TMEM87B: variants seen among roughly 807,000 people sequenced by gnomAD.
TMEM87B encodes the protein transmembrane protein 87B.
A neutral mutation model predicts 80.3 loss-of-function variants in TMEM87B; 83 were observed. The ratio of observed to expected loss-of-function variants is 1.03; its 90% CI spans 0.87 to 1.24. TMEM87B has a LOEUF of 1.24. TMEM87B is among the 50% of genes most tolerant of loss of function. The pLI, the probability that TMEM87B is intolerant of heterozygous loss-of-function variation, is 0.00. For missense variants in TMEM87B, 625 were observed against 674.4 expected (o/e 0.93, Z 0.81); for synonymous variants, 219 against 230.5 (o/e 0.95, Z 0.45).
intron 11 of TMEM87B, among the ~76,000 whole-genome samples, chr2:112,092,901 T>C (rs1679346860): frequency 6.6e-6 from 1 of 152,234 alleles, no homozygotes; most frequent in African/African-American, 2.4e-5. Flanking sequence ...AGAACATTCT[T>C]TGGATCTGTT....
rs13421261 is a variant in TMEM87B at position 112,055,305 on chromosome 2, C to T, written c.-287C>T. On this transcript the variant is annotated 5_prime_UTR_variant, in exon 1 of 19. Coordinates refer to ENST00000283206, the MANE Select transcript of TMEM87B (RefSeq NM_032824.3). Reference sequence around the variant, plus strand: ...CACGCTAGGCCCTGAGCCCAGCCTCCACGTCTCGCCGCCAACTCCACATCC... The same window carrying T: ...CACGCTAGGCCCTGAGCCCAGCCTCTACGTCTCGCCGCCAACTCCACATCC... 0.035 allele frequency: 16,331 copies of T among 466,846 alleles called. 314 individuals carry two copies. Among genetic ancestry groups the T allele is most frequent in the African/African-American group, 0.053 (2,583 of 48,466 alleles). The allele number at this position is 466,846 out of a possible 1,614,324, so 28.9% of individuals were successfully genotyped here.
At chr2:112,065,830 G>A (rs1482159167) in intron 3 of TMEM87B, among the ~76,000 whole-genome samples, 1 of 151,804 alleles carries the variant, frequency 6.6e-6, no homozygotes. Context: ...TTTTTGGTGT[G>A]TCATGGCATT....
chr2:112,097,361 G>A (rs949957658), intron 13 of TMEM87B, 70 bp downstream of exon 13: 21 of 1,246,312 alleles, frequency 1.7e-5, no homozygotes, highest in Non-Finnish European at 2.3e-5. Flanking sequence ...GAACAATTTA[G>A]TTTATGCTTG....
At chr2:112,066,660 T>C (rs1487829582) in intron 3 of TMEM87B, among the ~76,000 whole-genome samples, 2 of 152,252 alleles carry the variant, frequency 1.3e-5, no homozygotes, top group East Asian at 3.8e-4. Flanking sequence ...GGGAACTATT[T>C]CATTGTAGTA....
At chr2:112,084,812 T>G (rs1339588875) in intron 8 of TMEM87B, among the ~76,000 whole-genome samples, 1 of 152,256 alleles carries the variant, frequency 6.6e-6, no homozygotes, top group African/African-American at 2.4e-5. Flanking sequence ...TTTCCTTGCC[T>G]GCAGTTTTGT....
At chr2:112,104,113 A>G (rs893576959) in intron 15 of TMEM87B, among the ~76,000 whole-genome samples, 2 of 152,216 alleles carry the variant, frequency 1.3e-5, no homozygotes, top group Non-Finnish European at 2.9e-5. Flanking sequence ...GACCTAATGG[A>G]AAAGCTTCAA....
At position 112,080,452 on chromosome 2, in the gene TMEM87B, T is replaced by G. The variant is rs142296003; in HGVS notation, c.593-605T>G. On this transcript the variant is annotated intron_variant, in intron 6 of 18. Transcript: ENST00000283206. ...TTTTTTGTATTTTTAGTAGAGACGG[T>G]GTTTCACCGTGTTAGCCAGGATGGT... Among the ~76,000 whole-genome samples, 178 of 151,042 alleles carry G rather than the reference T, an allele frequency of 1.2e-3. 1 individual carries two copies. Among genetic ancestry groups the G allele is most frequent in the South Asian group, 4.2e-3 (20 of 4,758 alleles).
intron 5 of TMEM87B, among the ~76,000 whole-genome samples, chr2:112,076,136 CCAGCTACTCGGAGGCTGAGGCA>C (rs1678805173): frequency 6.6e-6 from 1 of 152,036 alleles, no homozygotes. Context: ...GCCTGGAATT[CCAGCTACTCGGAGGCTGAGGCA>C]CAAGAATTGC....
chr2:112,109,659 A>G (rs1398962261), intron 17 of TMEM87B, among the ~76,000 whole-genome samples: 1 of 73,322 alleles, frequency 1.4e-5, no homozygotes, highest in Non-Finnish European at 2.7e-5. Context: ...ATGCCTAAGT[A>G]TGGTCTTTTT....
At position 112,055,631 on chromosome 2, in the gene TMEM87B, C is replaced by T. The variant is rs772333086; in HGVS notation, c.40C>T (p.Arg14Cys). 3.0e-5 allele frequency: 46 copies of T among 1,547,056 alleles called. No individual in the cohort carries two copies. Among genetic ancestry groups the T allele is most frequent in the Non-Finnish European group, 3.7e-5 (43 of 1,148,292 alleles). ...ACRSVAGLLP[R>C]RRRCFPARAP... ...CCGCTCGGTAGCCGGGCTCCTGCCA[C>T]GCCGCCGCCGCTGCTTTCCCGCCCG... Residue 14 changes from arginine to cysteine, a missense_variant, in exon 1 of 19, where the codon CGC becomes TGC. Physicochemically the swap from Arg to Cys is radical, Grantham distance 180. Transcript: ENST00000283206.
intron 3 of TMEM87B, among the ~76,000 whole-genome samples, chr2:112,064,789 C>T (rs1407445889): frequency 6.6e-6 from 1 of 152,166 alleles, no homozygotes; most frequent in Non-Finnish European, 1.5e-5. Flanking sequence ...CAAGGTGTTT[C>T]TCTTGATGAT....
intron 4 of TMEM87B, among the ~76,000 whole-genome samples, chr2:112,069,833 T>TC (rs1678569839): frequency 6.6e-6 from 1 of 152,182 alleles, no homozygotes; most frequent in African/African-American, 2.4e-5. Flanking sequence ...TGCCAGCATC[T>TC]GTTATTTTTT....
chr2:112,073,391 A>G (rs865834549), intron 4 of TMEM87B, among the ~76,000 whole-genome samples: 12 of 152,260 alleles, frequency 7.9e-5, no homozygotes, highest in Middle Eastern at 3.4e-3. Context: ...AGGTTGTTTA[A>G]TATCCATGCA....
In TMEM87B at chr2:112,057,008, T is replaced by C. The variant is rs146903415; in HGVS notation, c.165+1252T>C. 1.3e-3 allele frequency among the ~76,000 whole-genome samples: 191 copies of C among 152,358 alleles called. 1 individual carries two copies. Among genetic ancestry groups the C allele is most frequent in the Middle Eastern group, 6.8e-3 (2 of 294 alleles). ...GATTACTTGAACATATCTGTATAGA[T>C]CTTTGCTAAGTGTACTGTGAACATA... On this transcript the variant is annotated intron_variant, in intron 1 of 18. Coordinates refer to ENST00000283206, the MANE Select transcript of TMEM87B (RefSeq NM_032824.3).
At chr2:112,082,821 G>T (rs1199883825) in intron 8 of TMEM87B, among the ~76,000 whole-genome samples, 2 of 152,126 alleles carry the variant, frequency 1.3e-5, no homozygotes, top group African/African-American at 4.8e-5. Flanking sequence ...TTTAGTGAAG[G>T]TAAAGGGTGG....
At chr2:112,085,248 C>G (rs568262733) in intron 8 of TMEM87B, among the ~76,000 whole-genome samples, 1 of 152,380 alleles carries the variant, frequency 6.6e-6, no homozygotes, top group African/African-American at 2.4e-5. Context: ...CCATTACACT[C>G]TCTGCTGCAG....
At chr2:112,080,405 G>C (rs1010834920) in intron 6 of TMEM87B, among the ~76,000 whole-genome samples, 4 of 152,044 alleles carry the variant, frequency 2.6e-5, no homozygotes, top group Non-Finnish European at 1.5e-5. Flanking sequence ...GACTACAGGT[G>C]CTCGCCACCA....
At chr2:112,062,190 A>G (rs1678279774) in intron 2 of TMEM87B, among the ~76,000 whole-genome samples, 1 of 152,230 alleles carries the variant, frequency 6.6e-6, no homozygotes, top group Non-Finnish European at 1.5e-5. Flanking sequence ...GTTTTCACAG[A>G]GCCAGATTTT....
At position 112,117,540 on chromosome 2, in the gene TMEM87B, G is replaced by C. The variant is rs1680057314; in HGVS notation, c.*1397G>C. On this transcript the variant is annotated 3_prime_UTR_variant, in exon 19 of 19. Coordinates refer to ENST00000283206, the MANE Select transcript of TMEM87B (RefSeq NM_032824.3). ...TCTATTTCTGGTAGTCATATCGCTTGAAAGGTATTGGTAAATGTGTTTTCA... is the reference window on the plus strand; with the variant it reads ...TCTATTTCTGGTAGTCATATCGCTTCAAAGGTATTGGTAAATGTGTTTTCA... 1 of 151,974 alleles carries C rather than the reference G, an allele frequency of 6.6e-6. No homozygotes were observed. The highest frequency in any genetic ancestry group is 2.4e-5 in the African/African-American group (1 of 41,366). The allele number at this position is 151,974 out of a possible 1,614,324, so 9.4% of individuals were successfully genotyped here.
Sources: gnomAD v4.1 joint callset for allele counts (sites outside exome capture counted in the v4.1 genomes callset) on GRCh38, gnomAD v4.1.1 for gene constraint, MANE v1.5 for transcripts, NCBI Gene and HGNC (gene_info 2026-07-23, HGNC 2026-07-21) for gene names.